Variants in SOX6 observed in about 807,000 individuals in gnomAD.
SOX6 encodes the protein SRY-box transcription factor 6.
A neutral mutation model predicts 97.8 loss-of-function variants in SOX6; 11 were observed. The observed-to-expected ratio is 0.11, with a 90% CI of 0.07 to 0.19. SOX6 has a LOEUF of 0.19. SOX6 is among the 10% of genes least tolerant of loss of function. SOX6 has a pLI of 1.00. For missense variants in SOX6, 810 were observed against 1,039.5 expected, an observed-to-expected ratio of 0.78 and a Z score of 3.04; for synonymous variants, 360 against 371.4, an observed-to-expected ratio of 0.97 and a Z score of 0.35.
At chr11:16,412,948 A>G (rs1016950522) in intron 1 of SOX6, among the ~76,000 whole-genome samples, 1 of 152,156 alleles carries the variant, frequency 6.6e-6, no homozygotes, top group Non-Finnish European at 1.5e-5. Context: ...ACTCCCTATG[A>G]CGTGGGAGGA....
intron 3 of SOX6, among the ~76,000 whole-genome samples, chr11:16,308,820 C>T (rs1052611256): frequency 1.3e-5 from 2 of 152,046 alleles, no homozygotes; most frequent in South Asian, 2.1e-4. Flanking sequence ...AGAAGAACGA[C>T]GATATTCTTG....
chr11:16,565,762 G>T (rs1482958765), intron 4 of SOX6, among the ~76,000 whole-genome samples: 2 of 141,936 alleles, frequency 1.4e-5, no homozygotes, highest in Non-Finnish European at 1.5e-5. Context: ...AAAAAAACTC[G>T]TCAACAGAAA....
chr11:16,603,938 G>A (rs1848301607), intron 4 of SOX6, among the ~76,000 whole-genome samples: 1 of 152,232 alleles, frequency 6.6e-6, no homozygotes, highest in African/African-American at 2.4e-5. Flanking sequence ...CCAGAACAGA[G>A]CTGAGCGGAC....
At chr11:16,355,767 C>G (rs61141030) in intron 1 of SOX6, among the ~76,000 whole-genome samples, 1 of 151,738 alleles carries the variant, frequency 6.6e-6, no homozygotes, top group African/African-American at 2.4e-5. Context: ...TCTATGATTC[C>G]TCATAGATAA....
intron 1 of SOX6, among the ~76,000 whole-genome samples, chr11:16,354,816 A>G (rs1472522882): frequency 6.6e-6 from 1 of 152,070 alleles, no homozygotes. Context: ...TATGAAATAC[A>G]TGAATACCTT....
chr11:16,205,255 T>A (rs913380014), intron 4 of SOX6, among the ~76,000 whole-genome samples: 1 of 152,144 alleles, frequency 6.6e-6, no homozygotes, highest in African/African-American at 2.4e-5. Context: ...GTTTAAATGA[T>A]ATTTTTTTCA....
chr11:16,403,618 T>A (rs1342315956), intron 1 of SOX6, among the ~76,000 whole-genome samples: 1 of 151,596 alleles, frequency 6.6e-6, no homozygotes, highest in East Asian at 1.9e-4. Flanking sequence ...TAACATAAGA[T>A]AAGAGACAGT....
chr11:16,713,572 C>T (rs1590061442), intron 3 of SOX6, among the ~76,000 whole-genome samples: 1 of 152,216 alleles, frequency 6.6e-6, no homozygotes, highest in East Asian at 1.9e-4. Flanking sequence ...GCTAGTAACT[C>T]TAAAATTCAT....
Position 16,160,766 on chromosome 11 carries a change from C to T in SOX6, c.777+23120G>A, listed in dbSNP as rs545036561. On this transcript the variant is annotated intron_variant, in intron 6 of 15. Transcript: ENST00000683767. The stretch of plus-strand genomic sequence containing the variant: ...TTTCCTGAAGCCTACAAAAGCAGCA[C>T]AGTGAGCCCAGGGGGCTAATTATTT... Among the ~76,000 whole-genome samples, 27 of 152,264 alleles carry T rather than the reference C, an allele frequency of 1.8e-4. No homozygotes were observed. The South Asian group carries it at 5.4e-3, about 30-fold the overall frequency.
intron 4 of SOX6, among the ~76,000 whole-genome samples, chr11:16,523,444 G>C (rs1423576127): frequency 6.6e-6 from 1 of 151,998 alleles, no homozygotes; most frequent in Non-Finnish European, 1.5e-5. Flanking sequence ...CGAGAACAAA[G>C]ACACAACATA....
At position 16,285,781 on chromosome 11, in the gene SOX6, G is replaced by T. The variant is rs187100938; in HGVS notation, c.445+32665C>A. Among the ~76,000 whole-genome samples, 3 of 152,110 alleles carry T rather than the reference G, an allele frequency of 2.0e-5. No individual in the cohort carries two copies. In the South Asian group the frequency reaches 6.2e-4, roughly 32 times the overall value. On this transcript the variant is annotated intron_variant, in intron 3 of 15. Transcript: ENST00000683767. ...GTTGCCTGATCCTAAATCAATAAAA[G>T]TTATTTCAACTATATTACTAATACA...
At chr11:16,491,020 T>C (rs1006053008) in intron 4 of SOX6, among the ~76,000 whole-genome samples, 1 of 152,078 alleles carries the variant, frequency 6.6e-6, no homozygotes, top group Non-Finnish European at 1.5e-5. Flanking sequence ...CAACATTGCA[T>C]TGGAAGTATT....
intron 3 of SOX6, among the ~76,000 whole-genome samples, chr11:16,282,247 T>C (rs1303991298): frequency 1.3e-5 from 2 of 150,926 alleles, no homozygotes; most frequent in Admixed American, 1.3e-4. Context: ...AAATAATTCT[T>C]ATACTAAATA....
At chr11:16,730,029 A>AATATATATAT (rs34591978) in intron 2 of SOX6, among the ~76,000 whole-genome samples, 2,304 of 142,506 alleles carry the variant, frequency 0.016, 37 homozygotes, top group African/African-American at 0.044. Context: ...AACTATCCTA[A>AATATATATAT]ATATATATAT....
chr11:16,526,489 G>C (rs5011327), intron 4 of SOX6, among the ~76,000 whole-genome samples: 58,173 of 151,532 alleles, frequency 0.38, 12,392 homozygotes, highest in Non-Finnish European at 0.46. Flanking sequence ...GTTGTGGGGT[G>C]GGGGGAGTGG....
At chr11:16,051,110 G>T (rs1472629576) in intron 10 of SOX6, among the ~76,000 whole-genome samples, 1 of 151,592 alleles carries the variant, frequency 6.6e-6, no homozygotes, top group Non-Finnish European at 1.5e-5. Context: ...GATTAAGGGG[G>T]AACAGAAAGA....
At chr11:16,109,510 C>T (rs937299807) in intron 7 of SOX6, among the ~76,000 whole-genome samples, 1 of 152,002 alleles carries the variant, frequency 6.6e-6, no homozygotes, top group Admixed American at 6.6e-5. Context: ...CCCTCACATA[C>T]ATTTCAAGTG....
intron 3 of SOX6, among the ~76,000 whole-genome samples, chr11:16,294,524 T>G (rs1855012031): frequency 6.6e-6 from 1 of 152,110 alleles, no homozygotes. Flanking sequence ...ACATTAAGTG[T>G]TTAACACTAA....
At chr11:16,256,551 T>C (rs1853692998) in intron 3 of SOX6, among the ~76,000 whole-genome samples, 1 of 151,804 alleles carries the variant, frequency 6.6e-6, no homozygotes, top group Admixed American at 6.6e-5. Context: ...AGAGGGAATG[T>C]CCTCAACTTG....
Sources: gnomAD v4.1 joint callset for allele counts (sites outside exome capture counted in the v4.1 genomes callset) on GRCh38, gnomAD v4.1.1 for gene constraint, MANE v1.5 for transcripts, NCBI Gene and HGNC (gene_info 2026-07-23, HGNC 2026-07-21) for gene names.